The following AP3B1 variants were observed in gnomAD, a reference collection of about 807,000 sequenced individuals.
The protein encoded by AP3B1 is AP-3 complex subunit beta-1.
Under a neutral mutation model 132.5 loss-of-function variants are expected in AP3B1, and 61 were observed. The ratio of observed to expected loss-of-function variants is 0.46; its 90% CI spans 0.37 to 0.57. AP3B1 has a LOEUF of 0.57. AP3B1 is among the 20% of genes least tolerant of loss of function. The pLI is 0.00. For missense variants in AP3B1, 1,120 were observed against 1,289.4 expected, an observed-to-expected ratio of 0.87 and a Z score of 2.01; for synonymous variants, 388 against 438.3, an observed-to-expected ratio of 0.89 and a Z score of 1.43.
intron 7 of AP3B1, among the ~76,000 whole-genome samples, chr5:78,186,063 A>C (rs1487309386): frequency 1.3e-5 from 2 of 152,208 alleles, no homozygotes; most frequent in Admixed American, 1.3e-4. Flanking sequence ...TAATTAGATT[A>C]AATGTAAATC....
intron 1 of AP3B1, among the ~76,000 whole-genome samples, chr5:78,267,968 T>C (rs538291791): frequency 1.1e-4 from 16 of 152,120 alleles, no homozygotes; most frequent in Non-Finnish European, 8.8e-5. Flanking sequence ...TGCAATGAAA[T>C]TTATTATGAA....
At chr5:78,068,421 T>C (rs899481429) in intron 22 of AP3B1, among the ~76,000 whole-genome samples, 1 of 151,730 alleles carries the variant, frequency 6.6e-6, no homozygotes, top group Non-Finnish European at 1.5e-5. Context: ...ATCAAATAGA[T>C]ATAATAAAAA....
At chr5:78,131,514 T>A (rs183738478) in intron 15 of AP3B1, among the ~76,000 whole-genome samples, 12 of 152,198 alleles carry the variant, frequency 7.9e-5, no homozygotes, top group Middle Eastern at 3.4e-3. Flanking sequence ...TTCCCCCATG[T>A]AGTCAATAAA....
intron 25 of AP3B1, 147 bp downstream of exon 25, chr5:78,020,545 G>T: frequency 1.5e-6 from 1 of 667,494 alleles, no homozygotes; most frequent in Non-Finnish European, 2.7e-6. Flanking sequence ...AAGGTTGTAA[G>T]TGCAAAGCAT....
chr5:78,087,898 C>G (rs1161861471), intron 22 of AP3B1, among the ~76,000 whole-genome samples: 2 of 152,164 alleles, frequency 1.3e-5, no homozygotes, highest in African/African-American at 2.4e-5. Flanking sequence ...AGTCACTGTT[C>G]TAAGAGCTTT....
At chr5:78,026,510 A>G (rs1481731895) in intron 24 of AP3B1, among the ~76,000 whole-genome samples, 1 of 152,196 alleles carries the variant, frequency 6.6e-6, no homozygotes, top group African/African-American at 2.4e-5. Flanking sequence ...AATAAAATGA[A>G]ATAATGCACA....
At chr5:78,275,944 T>C (rs1748756663) in intron 1 of AP3B1, among the ~76,000 whole-genome samples, 1 of 152,124 alleles carries the variant, frequency 6.6e-6, no homozygotes, top group Non-Finnish European at 1.5e-5. Context: ...ACATAGGACA[T>C]TTACCAAAAT....
At chr5:78,255,705 A>C (rs745913218) in intron 2 of AP3B1, among the ~76,000 whole-genome samples, 38 of 152,140 alleles carry the variant, frequency 2.5e-4, no homozygotes, top group Non-Finnish European at 5.3e-4. Context: ...GAAAATCAAG[A>C]AACACCACAC....
At chr5:78,273,055 A>G (rs1748617482) in intron 1 of AP3B1, among the ~76,000 whole-genome samples, 1 of 152,134 alleles carries the variant, frequency 6.6e-6, no homozygotes, top group South Asian at 2.1e-4. Context: ...ATATACACAC[A>G]CACAAGTACT....
intron 2 of AP3B1, among the ~76,000 whole-genome samples, chr5:78,241,914 T>A (rs142686257): frequency 3.9e-4 from 60 of 152,294 alleles, no homozygotes; most frequent in Middle Eastern, 3.4e-3. Context: ...ATTACCCTGG[T>A]CTCTTCTCAC....
At chr5:78,174,730 A>G (rs4703754) in intron 11 of AP3B1, among the ~76,000 whole-genome samples, 43,780 of 152,190 alleles carry the variant, frequency 0.29, 6,686 homozygotes, top group Admixed American at 0.39. Context: ...CTCAAACACC[A>G]AGCTGGGAGA....
chr5:78,216,533 T>C (rs957758457), intron 6 of AP3B1, among the ~76,000 whole-genome samples: 12 of 152,188 alleles, frequency 7.9e-5, no homozygotes, highest in Non-Finnish European at 1.8e-4. Flanking sequence ...TAAACATTAA[T>C]CACGCACATT....
intron 17 of AP3B1, among the ~76,000 whole-genome samples, chr5:78,126,583 T>G (rs1309117920): frequency 2.0e-5 from 3 of 151,542 alleles, no homozygotes; most frequent in African/African-American, 7.3e-5. Context: ...GTATGCAGAT[T>G]TGAGTAAAAA....
At chr5:78,127,818 C>T (rs567267333) in intron 17 of AP3B1, among the ~76,000 whole-genome samples, 10 of 152,156 alleles carry the variant, frequency 6.6e-5, no homozygotes, top group African/African-American at 2.4e-4. Context: ...TTCTCTATTT[C>T]CTTGAAGAAA....
chr5:78,097,004 A>G (rs1580341663), intron 21 of AP3B1, among the ~76,000 whole-genome samples: 1 of 115,996 alleles, frequency 8.6e-6, no homozygotes, highest in African/African-American at 3.8e-5. Flanking sequence ...CCTGTCCGGG[A>G]GGGAGGTGGG....
At chr5:78,073,525 G>T (rs909325021) in intron 22 of AP3B1, among the ~76,000 whole-genome samples, 3 of 152,126 alleles carry the variant, frequency 2.0e-5, no homozygotes, top group African/African-American at 7.2e-5. Flanking sequence ...CATCAAATTT[G>T]TGTGACTATG....
At chr5:78,276,494 G>A (rs1023096625) in intron 1 of AP3B1, among the ~76,000 whole-genome samples, 2 of 152,164 alleles carry the variant, frequency 1.3e-5, no homozygotes, top group African/African-American at 4.8e-5. Flanking sequence ...CATTTTGGTA[G>A]ACCAAGGCAG....
intron 7 of AP3B1, among the ~76,000 whole-genome samples, chr5:78,183,193 C>G (rs185262995): frequency 6.6e-6 from 1 of 152,320 alleles, no homozygotes; most frequent in Non-Finnish European, 1.5e-5. Context: ...TGAGTAAAAT[C>G]CCTCTGAAGT....
At chr5:78,244,805 G>T (rs1451426816) in intron 2 of AP3B1, among the ~76,000 whole-genome samples, 1 of 152,144 alleles carries the variant, frequency 6.6e-6, no homozygotes, top group African/African-American at 2.4e-5. Context: ...GACCATCCTG[G>T]CCAACATGCT....
Sources: gnomAD v4.1 joint callset for allele counts (sites outside exome capture counted in the v4.1 genomes callset) on GRCh38, gnomAD v4.1.1 for gene constraint, MANE v1.5 for transcripts, NCBI Gene and HGNC (gene_info 2026-07-23, HGNC 2026-07-21) for gene names.